The following SLCO1B3 variants were observed in gnomAD, a reference collection of about 807,000 sequenced individuals.
SLCO1B3 encodes solute carrier organic anion transporter family member 1B3.
Under a neutral mutation model 71.8 loss-of-function variants are expected in SLCO1B3, and 72 were observed. That is an observed-to-expected ratio of 1.00 (90% confidence interval 0.83 to 1.22). SLCO1B3 has a LOEUF of 1.22. Among genes scored for constraint, SLCO1B3 ranks in the 50% most tolerant of loss-of-function variants. The pLI, the probability that SLCO1B3 is intolerant of heterozygous loss-of-function variation, is 0.00. For missense variants in SLCO1B3, 911 were observed against 819.7 expected (o/e 1.11, Z -1.36); for synonymous variants, 298 against 278.4 (o/e 1.07, Z -0.70).
At chr12:20,889,589 TC>T (rs1266173583) in intron 13 of SLCO1B3, among the ~76,000 whole-genome samples, 1 of 152,156 alleles carries the variant, frequency 6.6e-6, no homozygotes, top group Non-Finnish European at 1.5e-5. Context: ...GAATCTTCTT[TC>T]TTTTTGGTTA....
chr12:20,810,861 T>G (rs1020298417), intron 1 of SLCO1B3, 97 bp downstream of exon 1: 2 of 152,218 alleles, frequency 1.3e-5, no homozygotes, highest in Non-Finnish European at 2.9e-5. Flanking sequence ...ATGATAAATA[T>G]TACAGATTTT....
chr12:20,865,841 C>T (rs188787149), intron 8 of SLCO1B3, among the ~76,000 whole-genome samples: 1 of 152,076 alleles, frequency 6.6e-6, no homozygotes, highest in East Asian at 1.9e-4. Flanking sequence ...TTACATGATG[C>T]CATTCCCAGT....
intron 3 of SLCO1B3, among the ~76,000 whole-genome samples, chr12:20,837,591 GTTAC>G (rs1304579327): frequency 1.3e-5 from 2 of 152,012 alleles, no homozygotes; most frequent in Non-Finnish European, 2.9e-5. Flanking sequence ...TTAAAAATGT[GTTAC>G]TTAGTCTCTA....
chr12:20,814,386 T>G (rs1864155121), intron 2 of SLCO1B3, among the ~76,000 whole-genome samples: 1 of 152,142 alleles, frequency 6.6e-6, no homozygotes, highest in Non-Finnish European at 1.5e-5. Context: ...TTAAGAACAT[T>G]TTCTAATATG....
At position 20,814,427 on chromosome 12, in the gene SLCO1B3, G is replaced by A. The variant is rs182634947; in HGVS notation, c.-66+789G>A. Among the ~76,000 whole-genome samples, 514 of 152,072 alleles carry A rather than the reference G, an allele frequency of 3.4e-3. 8 individuals are homozygous for A. The highest frequency in any genetic ancestry group is 0.029 in the East Asian group (151 of 5,176). On this transcript the variant is annotated intron_variant, in intron 2 of 15. Coordinates refer to ENST00000381545, the MANE Select transcript of SLCO1B3 (RefSeq NM_019844.4). ...ATTAGATATAAGCTAAATAGTTAAC[G>A]ATATAGAACTAGTTACATATATTAT...
At chr12:20,872,489 A>C (rs1049100338) in intron 8 of SLCO1B3, among the ~76,000 whole-genome samples, 1 of 151,990 alleles carries the variant, frequency 6.6e-6, no homozygotes, top group Non-Finnish European at 1.5e-5. Context: ...CACTTCTCTT[A>C]AACAGAAGGA....
chr12:20,823,903 G>A (rs932397837), intron 3 of SLCO1B3, among the ~76,000 whole-genome samples: 2 of 152,142 alleles, frequency 1.3e-5, no homozygotes, highest in African/African-American at 2.4e-5. Context: ...GGCTCTGTAG[G>A]TCAGCCTCCT....
At chr12:20,892,868 T>C (rs1865931771) in intron 13 of SLCO1B3, among the ~76,000 whole-genome samples, 1 of 152,212 alleles carries the variant, frequency 6.6e-6, no homozygotes, top group African/African-American at 2.4e-5. Flanking sequence ...GTTTGAATTC[T>C]TTCCTCCAGG....
chr12:20,877,221 A>G (rs191065639), intron 9 of SLCO1B3, among the ~76,000 whole-genome samples: 23 of 148,710 alleles, frequency 1.5e-4, no homozygotes, highest in Non-Finnish European at 2.2e-4. Context: ...AAAAGGGGCA[A>G]CTGTAAACAT....
At chr12:20,908,368 C>T (rs1270819102) in intron 15 of SLCO1B3, among the ~76,000 whole-genome samples, 1 of 152,176 alleles carries the variant, frequency 6.6e-6, no homozygotes, top group East Asian at 1.9e-4. Context: ...ATTGACAAAC[C>T]AGATTGACAC....
chr12:20,866,603 A>G (rs1865377525), intron 8 of SLCO1B3, among the ~76,000 whole-genome samples: 1 of 152,170 alleles, frequency 6.6e-6, no homozygotes, highest in Admixed American at 6.5e-5. Flanking sequence ...AAGTGTCAGT[A>G]TAACAGGAGA....
intron 3 of SLCO1B3, among the ~76,000 whole-genome samples, chr12:20,849,183 C>T (rs1030670351): frequency 3.3e-5 from 5 of 151,770 alleles, no homozygotes; most frequent in South Asian, 2.1e-4. Context: ...AAATACTAGC[C>T]AATTAATTCC....
intron 3 of SLCO1B3, among the ~76,000 whole-genome samples, chr12:20,845,551 G>C (rs142364159): frequency 6.6e-6 from 1 of 151,980 alleles, no homozygotes; most frequent in Non-Finnish European, 1.5e-5. Context: ...AAGGACCTCA[G>C]AACTAAAGCC....
At position 20,879,462 on chromosome 12, in the gene SLCO1B3, A is replaced by C. The variant is rs1426436771; in HGVS notation, c.1162A>C (p.Thr388Pro). 2 of 1,607,826 alleles carry C rather than the reference A, an allele frequency of 1.2e-6. No homozygotes were observed. The highest frequency in any genetic ancestry group is 2.2e-5 in the East Asian group (1 of 44,748). Residue 388 changes from threonine (T) to proline (P), a missense_variant, in exon 11 of 16, where the codon ACT (threonine) becomes CCT (proline). Coordinates refer to ENST00000381545, the MANE Select transcript of SLCO1B3 (RefSeq NM_019844.4). ...AATCATAACCATTCCTACGGTTGCA[A>C]CTGGAATGTTTTTAGGAGGATTTAT... ...LGIITIPTVA[T>P]GMFLGGFIIK...
rs116161506 is a variant in SLCO1B3 at position 20,854,668 on chromosome 12, C to T, written c.85-360C>T. Among the ~76,000 whole-genome samples the T allele has an allele frequency of 1.4e-3, 214 of 152,330 alleles. 2 individuals are homozygous for T. The highest frequency in any genetic ancestry group is 5.0e-3 in the African/African-American group (209 of 41,574). On this transcript the variant is annotated intron_variant, in intron 3 of 15. Transcript: ENST00000381545. ...TACTCCTGCATGCACTGCCATTCCC[C>T]TCCCAGTTAGCCAGGGCTATTCACA...
chr12:20,909,434 A>C lies in SLCO1B3; in HGVS notation c.1866-6570A>C, dbSNP rs887044716. The stretch of plus-strand genomic sequence containing the variant: ...GTGATCCGCCCGCCTTGGCCTCCCA[A>C]AGTGCTGGGATTACAGGTGTGAGCC... On this transcript the variant is annotated intron_variant, in intron 15 of 15. Transcript: ENST00000381545. Among the ~76,000 whole-genome samples, 8 of 151,450 alleles carry C rather than the reference A, an allele frequency of 5.3e-5. No individual in the cohort carries two copies. The South Asian group carries it at 1.5e-3, about 28-fold the overall frequency.
chr12:20,835,841 C>G (rs1008439235), intron 3 of SLCO1B3, among the ~76,000 whole-genome samples: 3 of 152,140 alleles, frequency 2.0e-5, no homozygotes, highest in Non-Finnish European at 4.4e-5. Context: ...AGCTGCTTCC[C>G]CATTATCAGG....
At chr12:20,825,813 A>AAAAAG (rs1555150973) in intron 3 of SLCO1B3, among the ~76,000 whole-genome samples, 1 of 150,902 alleles carries the variant, frequency 6.6e-6, no homozygotes, top group African/African-American at 2.4e-5. Context: ...AAAAAAAAAA[A>AAAAAG]AAAGAAAGAA....
intron 3 of SLCO1B3, among the ~76,000 whole-genome samples, chr12:20,839,911 A>T (rs1864760471): frequency 6.6e-6 from 1 of 152,152 alleles, no homozygotes; most frequent in Admixed American, 6.5e-5. Flanking sequence ...TGAAGCTCAT[A>T]TAGCCTTTTC....
Sources: gnomAD v4.1 joint callset for allele counts (sites outside exome capture counted in the v4.1 genomes callset) on GRCh38, gnomAD v4.1.1 for gene constraint, MANE v1.5 for transcripts, NCBI Gene and HGNC (gene_info 2026-07-23, HGNC 2026-07-21) for gene names.